Variants in TSPAN32 observed in about 807,000 individuals in gnomAD.
TSPAN32 encodes tetraspanin-32.
TSPAN32 carries 47 observed loss-of-function variants against 42.7 expected under a neutral mutation model. The observed-to-expected ratio is 1.10, with a 90% CI of 0.87 to 1.40. The LOEUF (loss-of-function observed/expected upper bound fraction) is 1.40, where lower values mean the gene tolerates loss of function less well. TSPAN32 is among the 40% of genes most tolerant of loss of function. The probability of loss-of-function intolerance (pLI) is 0.00; values close to 1 mark genes in which losing one functional copy is unlikely to be tolerated. For missense variants in TSPAN32, 469 were observed against 424.1 expected (o/e 1.11, Z -0.93); for synonymous variants, 175 against 175.9 (o/e 0.99, Z 0.04).
rs1171520160 is a variant in TSPAN32, at chr11:2,313,843, G to A, written c.456+88G>A. On this transcript the variant is annotated intron_variant, in intron 5 of 9. Coordinates refer to ENST00000182290, the MANE Select transcript of TSPAN32 (RefSeq NM_139022.3). This position sits in a 1 kb window ranked among gnomAD's most constrained non-coding sequence, Gnocchi z 9.1. The stretch of plus-strand genomic sequence containing the variant: ...ACAGGCGCAGGGTGGCCAGTGAGAG[G>A]TCTGGCCAGGCACCGAGGGGGTTCC... The A allele has an allele frequency of 1.8e-6, 2 of 1,095,762 alleles. No homozygotes were observed. Among genetic ancestry groups the A allele is most frequent in the Non-Finnish European group, 2.6e-6 (2 of 756,250 alleles). The allele number at this position is 1,095,762 out of a possible 1,614,324, so 67.9% of individuals were successfully genotyped here.
rs1848665748 is a variant in TSPAN32 at position 2,314,553 on chromosome 11, A to G, written c.525A>G (p.Gly175=). The G allele has an allele frequency of 3.1e-6, 5 of 1,611,018 alleles. No individual in the cohort carries two copies. The highest frequency in any genetic ancestry group is 4.2e-6 in the Non-Finnish European group (5 of 1,178,934). ...LGSTEADLCQ[G]EEAAREDCLQ... is the part of the protein sequence containing the mutation. ...GCACAGAGGCTGACCTGTGTCAGGG[A>G]GAGGAGGCGGCGAGAGAGGTGAGGG... The change falls in exon 6 of 10, where the codon GGA becomes GGG. Residue 175 remains glycine (G), a synonymous_variant. Coordinates refer to ENST00000182290, the MANE Select transcript of TSPAN32 (RefSeq NM_139022.3).
chr11:2,317,501 TCCTGCCA>T lies in TSPAN32; in HGVS notation c.882_888del (p.Cys294TrpfsTer?). 2 of 1,588,560 alleles carry T rather than the reference TCCTGCCA, an allele frequency of 1.3e-6. No homozygotes were observed. The highest frequency in any genetic ancestry group is 2.3e-5 in the South Asian group (2 of 87,830). Reference sequence around the variant, plus strand: ...GAGCGATGCTGCGCCTCTGCCCCTCTCCTGCCACCTGGCTGCCCACAGAGGTGAAGAC... The same window carrying T: ...GAGCGATGCTGCGCCTCTGCCCCTCTCCTGGCTGCCCACAGAGGTGAAGAC... On this transcript the variant is annotated frameshift_variant, in exon 9 of 10. Coordinates refer to ENST00000182290, the MANE Select transcript of TSPAN32 (RefSeq NM_139022.3). LOFTEE classifies it low-confidence loss of function (END_TRUNC). The surrounding 1 kb of genome is among the most constrained non-coding windows in gnomAD (Gnocchi z 6.2).
chr11:2,302,112 G>T lies in TSPAN32; in HGVS notation c.-38G>T. On this transcript the variant is annotated 5_prime_UTR_variant, in exon 1 of 10. Coordinates refer to ENST00000182290, the MANE Select transcript of TSPAN32 (RefSeq NM_139022.3). ...CTGCCCAGCTGGAAACCACAGGGAGGGGAAGGGAGGGGAGGAGAGGAGAGG... is the reference window on the plus strand; with the variant it reads ...CTGCCCAGCTGGAAACCACAGGGAGTGGAAGGGAGGGGAGGAGAGGAGAGG... 6.7e-7 allele frequency: 1 copy of T among 1,485,208 alleles called. No homozygotes were observed. Among genetic ancestry groups the T allele is most frequent in the East Asian group, 2.4e-5 (1 of 42,074 alleles). The allele number at this position is 1,485,208 out of a possible 1,614,324, so 92.0% of individuals were successfully genotyped here.
In TSPAN32 at chr11:2,302,063, G is replaced by A; in HGVS notation, c.-87G>A. 1 of 1,495,884 alleles carries A rather than the reference G, an allele frequency of 6.7e-7. No homozygotes were observed. Among genetic ancestry groups the A allele is most frequent in the Non-Finnish European group, 8.9e-7 (1 of 1,126,168 alleles). 92.7% of individuals were successfully genotyped at this position (1,495,884 alleles called of 1,614,324 possible). On this transcript the variant is annotated 5_prime_UTR_variant, in exon 1 of 10. Coordinates refer to ENST00000182290, the MANE Select transcript of TSPAN32 (RefSeq NM_139022.3). ...GGGGCGGATGCAGCCTACCTCCTGGGCAGTGAGCTGCGGTCTGAGGCCCCT... is the reference window on the plus strand; with the variant it reads ...GGGGCGGATGCAGCCTACCTCCTGGACAGTGAGCTGCGGTCTGAGGCCCCT...
chr11:2,308,716 C>G lies in TSPAN32; in HGVS notation c.280-20C>G. On this transcript the variant is annotated intron_variant, in intron 3 of 9. Transcript: ENST00000182290. ...GCAGTGACCAGCCCTCAACAGTGAC[C>G]AGCCCCGCTCTGCCCCCAGGGCTTC... 2.0e-6 allele frequency: 3 copies of G among 1,529,708 alleles called. No individual in the cohort carries two copies. Among genetic ancestry groups the G allele is most frequent in the Non-Finnish European group, 2.7e-6 (3 of 1,126,966 alleles). 94.8% of individuals were successfully genotyped at this position (1,529,708 alleles called of 1,614,324 possible).
chr11:2,303,962 G>A (rs117600357), intron 2 of TSPAN32, 145 bp from the exon 3 acceptor site: 14,491 of 613,762 alleles, frequency 0.024, 227 homozygotes, highest in Non-Finnish European at 0.031. Context: ...CCTCAGGGCC[G>A]TCTGATGGAG....
chr11:2,312,380 C>T (rs138489154), intron 4 of TSPAN32, among the ~76,000 whole-genome samples: 191 of 152,372 alleles, frequency 1.3e-3, no homozygotes, highest in African/African-American at 4.1e-3. Flanking sequence ...ACAAGGCCCC[C>T]GCCCTGGCCG....
chr11:2,316,537 C>T, intron 7 of TSPAN32, 39 bp from the exon 8 acceptor site: 2 of 1,607,592 alleles, frequency 1.2e-6, no homozygotes, highest in South Asian at 1.1e-5. Flanking sequence ...GCGCCCGCAC[C>T]CTGGGGCAGT....
intron 4 of TSPAN32, 43 bp downstream of exon 4, chr11:2,308,853 G>C (rs769183915): frequency 1.5e-6 from 2 of 1,315,662 alleles, no homozygotes; most frequent in Non-Finnish European, 2.1e-6. Context: ...GGGTCCCCCA[G>C]TAAGCCAGTG....
rs965974381 is a variant in TSPAN32, at chr11:2,304,601, G to C, written c.279+397G>C. On this transcript the variant is annotated intron_variant, in intron 3 of 9. Coordinates refer to ENST00000182290, the MANE Select transcript of TSPAN32 (RefSeq NM_139022.3). This position sits in a 1 kb window ranked among gnomAD's most constrained non-coding sequence, Gnocchi z 4.8. The stretch of plus-strand genomic sequence containing the variant: ...AGCAAGCTCTGGGAGGGCACTGGGA[G>C]CATCCCATTTCCTGTTCGGAGGAGG... 6.6e-6 allele frequency among the ~76,000 whole-genome samples: 1 copy of C among 152,082 alleles called. No individual in the cohort carries two copies. Among genetic ancestry groups the C allele is most frequent in the Admixed American group, 6.6e-5 (1 of 15,264 alleles).
intron 3 of TSPAN32, among the ~76,000 whole-genome samples, chr11:2,306,550 A>G (rs1286956377): frequency 1.4e-5 from 2 of 142,408 alleles, no homozygotes; most frequent in Admixed American, 1.3e-4. Context: ...GGGGGGAGAG[A>G]GAGAAAGAGA....
intron 1 of TSPAN32, chr11:2,302,640 T>TG: frequency 1.7e-6 from 1 of 592,850 alleles, no homozygotes; most frequent in South Asian, 2.0e-5. Context: ...GTCTACCATG[T>TG]GGGGGTGCCT....
Position 2,317,627 on chromosome 11 carries a change from A to G in TSPAN32, c.901+102A>G, listed in dbSNP as rs952711287. On this transcript the variant is annotated intron_variant, in intron 9 of 9. Coordinates refer to ENST00000182290, the MANE Select transcript of TSPAN32 (RefSeq NM_139022.3). The surrounding 1 kb of genome is among the most constrained non-coding windows in gnomAD (Gnocchi z 6.2). ...AGGCCCAGCCAGAGAGCCAGGCTCC[A>G]TTGGGAACAGATGCAAGGGTAAGGG... 1.5e-5 allele frequency: 22 copies of G among 1,493,020 alleles called. No individual in the cohort carries two copies. Among genetic ancestry groups the G allele is most frequent in the South Asian group, 6.5e-5 (5 of 77,150 alleles). The allele number at this position is 1,493,020 out of a possible 1,614,324, so 92.5% of individuals were successfully genotyped here.
Position 2,317,789 on chromosome 11 carries a change from ACTGGTTTTCTATG to A in TSPAN32, c.902-70_902-58del. The stretch of plus-strand genomic sequence containing the variant: ...AGGGCTCCACCCAGACACAAGCTGC[ACTGGTTTTCTATG>A]CTGCGTAAGAAGCAGCATGGATGTA... On this transcript the variant is annotated intron_variant, in intron 9 of 9. Transcript: ENST00000182290. This position sits in a 1 kb window ranked among gnomAD's most constrained non-coding sequence, Gnocchi z 6.2. 1 of 1,586,754 alleles carries A rather than the reference ACTGGTTTTCTATG, an allele frequency of 6.3e-7. No homozygotes were observed. The highest frequency in any genetic ancestry group is 8.5e-7 in the Non-Finnish European group (1 of 1,171,190).
At position 2,304,052 on chromosome 11, in the gene TSPAN32, C is replaced by T; in HGVS notation, c.182-55C>T. 1 of 1,358,670 alleles carries T rather than the reference C, an allele frequency of 7.4e-7. No homozygotes were observed. The highest frequency in any genetic ancestry group is 1.0e-6 in the Non-Finnish European group (1 of 972,104). 84.2% of individuals were successfully genotyped at this position (1,358,670 alleles called of 1,614,324 possible). On this transcript the variant is annotated intron_variant, in intron 2 of 9. Transcript: ENST00000182290. The surrounding 1 kb of genome is among the most constrained non-coding windows in gnomAD (Gnocchi z 4.8). The stretch of plus-strand genomic sequence containing the variant: ...TTAGATTTCACACCCAGGCTGTGTG[C>T]ACTCAGGACCTGTCCTGGGCACCCC...
At chr11:2,316,397 G>A (rs1003843217) in intron 7 of TSPAN32, 85 bp downstream of exon 7, 56 of 1,544,908 alleles carry the variant, frequency 3.6e-5, no homozygotes, top group Middle Eastern at 1.7e-4. Flanking sequence ...AGGGTGACCC[G>A]GGACAGGATC....
At position 2,302,858 on chromosome 11, in the gene TSPAN32, T is replaced by G. The variant is rs543107439; in HGVS notation, c.81T>G (p.Ser27=). Residue 27 remains serine, a synonymous_variant, in exon 2 of 10, where the codon TCT becomes TCG. Transcript: ENST00000182290. ...CCTATCCACAGCTGCTGGGCCTCTC[T>G]GTGGCCACCATGGTGACTCTTACCT... ...TCFFILLLGL[S]VATMVTLTYF... 6 of 1,613,570 alleles carry G rather than the reference T, an allele frequency of 3.7e-6. No homozygotes were observed. The East Asian group carries it at 1.3e-4, about 36-fold the overall frequency.
rs903133081 is a variant in TSPAN32, at chr11:2,313,860, G to A, written c.456+105G>A. The A allele has an allele frequency of 5.5e-6, 5 of 909,544 alleles. No homozygotes were observed. Among genetic ancestry groups the A allele is most frequent in the Non-Finnish European group, 8.4e-6 (5 of 595,962 alleles). The allele number at this position is 909,544 out of a possible 1,614,324, so 56.3% of individuals were successfully genotyped here. A position where few individuals can be genotyped will look rare whatever the true frequency, so the allele number is the denominator to read the frequency against. On this transcript the variant is annotated intron_variant, in intron 5 of 9. Transcript: ENST00000182290. This position sits in a 1 kb window ranked among gnomAD's most constrained non-coding sequence, Gnocchi z 9.1. ...AGTGAGAGGTCTGGCCAGGCACCGAGGGGGTTCCAGGACACAGGCCAGAGT... is the reference window on the plus strand; with the variant it reads ...AGTGAGAGGTCTGGCCAGGCACCGAAGGGGTTCCAGGACACAGGCCAGAGT...
chr11:2,305,808 G>A (rs1055393071), intron 3 of TSPAN32, among the ~76,000 whole-genome samples: 4 of 152,166 alleles, frequency 2.6e-5, no homozygotes, highest in Non-Finnish European at 5.9e-5. Flanking sequence ...TCCAGTCCCA[G>A]CTGGGTGGGC....
Sources: gnomAD v4.1 joint callset for allele counts (sites outside exome capture counted in the v4.1 genomes callset) on GRCh38, gnomAD v4.1.1 for gene constraint, Gnocchi (gnomAD v3.1) non-coding constraint, MANE v1.5 for transcripts, NCBI Gene and HGNC (gene_info 2026-07-23, HGNC 2026-07-21) for gene names.